DNAJC1: variants seen among roughly 807,000 people sequenced by gnomAD.
DNAJC1 encodes the protein DnaJ heat shock protein family (Hsp40) member C1, also known as dnaJ homolog subfamily C member 1.
A neutral mutation model predicts 76.6 loss-of-function variants in DNAJC1; 58 were observed. That is an observed-to-expected ratio of 0.76 (90% CI 0.61 to 0.94). The LOEUF is 0.94. DNAJC1 is among the 40% of genes least tolerant of loss of function. The probability of loss-of-function intolerance (pLI) is 0.00; values close to 1 mark genes in which losing one functional copy is unlikely to be tolerated. For missense variants in DNAJC1, 689 were observed against 677.3 expected, an observed-to-expected ratio of 1.02 and a Z score of -0.19; for synonymous variants, 258 against 267.9, an observed-to-expected ratio of 0.96 and a Z score of 0.36.
intron 1 of DNAJC1, among the ~76,000 whole-genome samples, chr10:21,942,805 C>CAAAAAAAAAAAAAAA (rs540122534): frequency 2.2e-5 from 1 of 45,418 alleles, no homozygotes; most frequent in African/African-American, 7.7e-5. Context: ...GACTCCATCT[C>CAAAAAAAAAAAAAAA]AAAAAAAAAA....
chr10:21,934,752 C>T (rs984855038), intron 1 of DNAJC1, among the ~76,000 whole-genome samples: 1 of 152,162 alleles, frequency 6.6e-6, no homozygotes, highest in East Asian at 1.9e-4. Context: ...TGTATAAATA[C>T]ACTGTGATAT....
intron 8 of DNAJC1, among the ~76,000 whole-genome samples, chr10:21,863,507 A>C (rs1247226832): frequency 1.3e-5 from 2 of 152,142 alleles, no homozygotes; most frequent in Non-Finnish European, 2.9e-5. Context: ...TATAAGGTCA[A>C]TATCACTGTC....
intron 8 of DNAJC1, among the ~76,000 whole-genome samples, chr10:21,864,388 AAGGCAGGTGGATCACG>A (rs1250898058): frequency 6.6e-6 from 1 of 152,138 alleles, no homozygotes; most frequent in African/African-American, 2.4e-5. Flanking sequence ...CTGGGAGGCC[AAGGCAGGTGGATCACG>A]AGGTCAGGAG....
chr10:21,976,147 A>G (rs918638675), intron 1 of DNAJC1, among the ~76,000 whole-genome samples: 5 of 152,184 alleles, frequency 3.3e-5, no homozygotes, highest in Non-Finnish European at 7.4e-5. Flanking sequence ...AAAGACAGTA[A>G]TAGATTTATT....
At chr10:21,899,775 C>T (rs1016086674) in intron 7 of DNAJC1, among the ~76,000 whole-genome samples, 2 of 152,128 alleles carry the variant, frequency 1.3e-5, no homozygotes, top group South Asian at 2.1e-4. Context: ...TCCTGCATTG[C>T]GGGGGGACCC....
At chr10:21,807,265 A>T (rs1312887325) in intron 8 of DNAJC1, among the ~76,000 whole-genome samples, 2 of 152,176 alleles carry the variant, frequency 1.3e-5, no homozygotes. Flanking sequence ...TCAGCACAGA[A>T]CAACAGTCAG....
At chr10:21,943,672 T>C (rs1464720494) in intron 1 of DNAJC1, among the ~76,000 whole-genome samples, 1 of 152,198 alleles carries the variant, frequency 6.6e-6, no homozygotes, top group East Asian at 1.9e-4. Context: ...TCCTGCCAGA[T>C]AATCTTGTTC....
At chr10:21,961,599 G>A (rs531416742) in intron 1 of DNAJC1, among the ~76,000 whole-genome samples, 86 of 152,250 alleles carry the variant, frequency 5.6e-4, no homozygotes, top group African/African-American at 1.9e-3. Context: ...GGTGGTTATT[G>A]CTTAAAGGGT....
At chr10:21,785,924 A>T (rs1284012218) in intron 9 of DNAJC1, among the ~76,000 whole-genome samples, 1 of 152,230 alleles carries the variant, frequency 6.6e-6, no homozygotes, top group East Asian at 1.9e-4. Flanking sequence ...ATTGTTTGTT[A>T]TAGAGCGTTC....
intron 6 of DNAJC1, among the ~76,000 whole-genome samples, chr10:21,912,318 T>C (rs1836876869): frequency 6.6e-6 from 1 of 152,214 alleles, no homozygotes; most frequent in African/African-American, 2.4e-5. Context: ...AAATATGGAA[T>C]TGATGAGACT....
In DNAJC1 at chr10:21,880,774, A is replaced by C. The variant is rs572406940; in HGVS notation, c.978+1508T>G. Among the ~76,000 whole-genome samples the C allele has an allele frequency of 4.6e-5, 7 of 152,340 alleles. No homozygotes were observed. The South Asian group carries it at 1.5e-3, about 32-fold the overall frequency. On this transcript the variant is annotated intron_variant, in intron 8 of 11. Transcript: ENST00000376980. ...GTACCCTAGGATTTTCAGAATGATA[A>C]ATGAGCACTGGCTTCAACTTAAAGT...
chr10:21,885,659 T>C (rs1172876799), intron 7 of DNAJC1, among the ~76,000 whole-genome samples: 1 of 152,040 alleles, frequency 6.6e-6, no homozygotes, highest in East Asian at 1.9e-4. Context: ...CACAGTGCAA[T>C]AAAAACAGAA....
rs556212451 is a variant in DNAJC1, at chr10:21,980,215, T to G, written c.222+22998A>C. On this transcript the variant is annotated intron_variant, in intron 1 of 11. Coordinates refer to ENST00000376980, the MANE Select transcript of DNAJC1 (RefSeq NM_022365.4). ...CTATATACACATATACACACATATA[T>G]TTCCTAGTTCTGTCCATTAAGAAGT... Among the ~76,000 whole-genome samples the G allele has an allele frequency of 3.3e-5, 5 of 152,174 alleles. No homozygotes were observed. The South Asian group carries it at 1.0e-3, about 32-fold the overall frequency.
intron 7 of DNAJC1, among the ~76,000 whole-genome samples, chr10:21,888,721 A>G (rs910238368): frequency 6.6e-6 from 1 of 152,194 alleles, no homozygotes; most frequent in African/African-American, 2.4e-5. Flanking sequence ...TGAGAGCTAA[A>G]TTATGAGAAC....
chr10:21,850,656 C>T (rs1201617807), intron 8 of DNAJC1, among the ~76,000 whole-genome samples: 1 of 151,282 alleles, frequency 6.6e-6, no homozygotes, highest in African/African-American at 2.4e-5. Context: ...ACATGTTTTG[C>T]AGAAACAAAA....
chr10:21,991,498 G>T (rs538722210), intron 1 of DNAJC1, among the ~76,000 whole-genome samples: 2 of 152,010 alleles, frequency 1.3e-5, no homozygotes, highest in Non-Finnish European at 2.9e-5. Flanking sequence ...AAGTAACTAG[G>T]AATATGATAG....
intron 8 of DNAJC1, among the ~76,000 whole-genome samples, chr10:21,850,157 A>G (rs555523460): frequency 1.8e-4 from 27 of 152,316 alleles, no homozygotes; most frequent in Non-Finnish European, 8.8e-5. Flanking sequence ...GGACATCTGA[A>G]TTGGAAGGAA....
chr10:21,947,824 A>G (rs1481179229), intron 1 of DNAJC1, among the ~76,000 whole-genome samples: 1 of 152,176 alleles, frequency 6.6e-6, no homozygotes, highest in African/African-American at 2.4e-5. Flanking sequence ...TTTCCTGATC[A>G]TTATCCCTCA....
intron 8 of DNAJC1, among the ~76,000 whole-genome samples, chr10:21,808,932 C>G (rs1834923163): frequency 6.6e-6 from 1 of 152,198 alleles, no homozygotes; most frequent in African/African-American, 2.4e-5. Context: ...GGGAATAAAT[C>G]TCCATACTGA....
Sources: gnomAD v4.1 joint callset for allele counts (sites outside exome capture counted in the v4.1 genomes callset) on GRCh38, gnomAD v4.1.1 for gene constraint, MANE v1.5 for transcripts, NCBI Gene and HGNC (gene_info 2026-07-23, HGNC 2026-07-21) for gene names.